Variants in CDH23 observed in about 807,000 individuals in gnomAD.
CDH23 encodes the protein cadherin-23.
Under a neutral mutation model 317.1 loss-of-function variants are expected in CDH23, and 189 were observed. That is an observed-to-expected ratio of 0.60 (90% CI 0.53 to 0.67). The LOEUF is 0.67. Ranked by LOEUF, CDH23 falls within the 30% of genes least tolerant of loss-of-function variation. The pLI is 0.00. For missense variants in CDH23, 4,401 were observed against 4,592.4 expected (o/e 0.96, Z 1.20); for synonymous variants, 1,839 against 1,876.8 (o/e 0.98, Z 0.52).
chr10:71,559,691 T>C (rs1295162934), intron 6 of CDH23, among the ~76,000 whole-genome samples: 1 of 152,114 alleles, frequency 6.6e-6, no homozygotes, highest in East Asian at 1.9e-4. Flanking sequence ...CCCAGAGAGA[T>C]GTCCTCGAGC....
At chr10:71,456,035 C>A (rs1158937059) in intron 3 of CDH23, among the ~76,000 whole-genome samples, 1 of 151,964 alleles carries the variant, frequency 6.6e-6, no homozygotes, top group Admixed American at 6.6e-5. Context: ...GGGGCGTCCT[C>A]CTGGGTTGGT....
chr10:71,691,674 C>A (rs1021959063), intron 20 of CDH23, among the ~76,000 whole-genome samples: 1 of 152,158 alleles, frequency 6.6e-6, no homozygotes, highest in African/African-American at 2.4e-5. Context: ...TGTCAGAGCA[C>A]TAGGAGGAGG....
At chr10:71,546,600 G>A (rs1400234506) in intron 6 of CDH23, among the ~76,000 whole-genome samples, 1 of 152,194 alleles carries the variant, frequency 6.6e-6, no homozygotes, top group Non-Finnish European at 1.5e-5. Context: ...CGTGTCCACT[G>A]CACCTAGAAC....
Position 71,677,715 on chromosome 10 carries a change from C to T in CDH23, c.1752+22C>T, listed in dbSNP as rs1246970644. The T allele has an allele frequency of 2.6e-6, 4 of 1,519,584 alleles. No individual in the cohort carries two copies. In the East Asian group the frequency reaches 9.8e-5, roughly 37 times the overall value. 94.1% of individuals were successfully genotyped at this position (1,519,584 alleles called of 1,614,324 possible). A position where few individuals can be genotyped will look rare whatever the true frequency, so the allele number is the denominator to read the frequency against. ...CCGGGTAAGGTGCCAGGGAGCCCTGCACTCCTGCCATTTATCTTAGCCTTC... is the reference window on the plus strand; with the variant it reads ...CCGGGTAAGGTGCCAGGGAGCCCTGTACTCCTGCCATTTATCTTAGCCTTC... On this transcript the variant is annotated intron_variant, in intron 16 of 69. Coordinates refer to ENST00000224721, the MANE Select transcript of CDH23 (RefSeq NM_022124.6).
intron 2 of CDH23, among the ~76,000 whole-genome samples, chr10:71,444,581 AGT>A (rs1368703632): frequency 6.6e-6 from 1 of 152,228 alleles, no homozygotes; most frequent in Admixed American, 6.5e-5. Flanking sequence ...CTGGCCAGTA[AGT>A]GAGAGAGGGC....
intron 22 of CDH23, among the ~76,000 whole-genome samples, chr10:71,695,840 G>C (rs1274063233): frequency 6.6e-6 from 1 of 152,168 alleles, no homozygotes; most frequent in Admixed American, 6.5e-5. Flanking sequence ...TTAGAGCCCA[G>C]GACTCTGGCC....
intron 52 of CDH23, among the ~76,000 whole-genome samples, 170 bp from the exon 53 acceptor site, chr10:71,800,466 A>G (rs975491103): frequency 2.6e-5 from 4 of 152,178 alleles, no homozygotes; most frequent in Non-Finnish European, 4.4e-5. Context: ...AGGTTGGGGT[A>G]GTGAGAGCAA....
intron 3 of CDH23, among the ~76,000 whole-genome samples, chr10:71,507,063 G>A (rs1365859372): frequency 6.6e-6 from 1 of 152,140 alleles, no homozygotes; most frequent in Non-Finnish European, 1.5e-5. Flanking sequence ...GGAAGGCCAG[G>A]GTGGTCTTCC....
intron 10 of CDH23, 82 bp from the exon 11 acceptor site, chr10:71,617,123 G>T: frequency 6.6e-7 from 1 of 1,508,336 alleles, no homozygotes; most frequent in Non-Finnish European, 8.9e-7. Context: ...ACAGTGGCTG[G>T]TGCTGAGAAA....
chr10:71,669,737 C>T (rs148708535), intron 14 of CDH23, among the ~76,000 whole-genome samples: 3,122 of 152,216 alleles, frequency 0.021, 179 homozygotes, highest in East Asian at 0.16. Context: ...CGTGAGCCAC[C>T]GTGCCTGGCC....
At chr10:71,785,217 C>A in intron 43 of CDH23, 117 bp downstream of exon 43, 1 of 786,444 alleles carries the variant, frequency 1.3e-6, no homozygotes, top group Non-Finnish European at 2.0e-6. Context: ...CGTTCCTGCA[C>A]TGGGATGAGG....
Position 71,815,947 on chromosome 10 carries a change from A to G in CDH23, c.*669A>G, listed in dbSNP as rs1297215384. ...TTTTTTAAATTAAGTTATTCCCTCA[A>G]TAGTTTCCCCTTGGTTTTGTTTAAC... is the stretch of plus-strand genomic sequence containing the variant. On this transcript the variant is annotated 3_prime_UTR_variant, in exon 70 of 70. Transcript: ENST00000224721. The G allele has an allele frequency of 6.1e-6, 1 of 163,240 alleles. No homozygotes were observed. The highest frequency in any genetic ancestry group is 1.4e-5 in the Non-Finnish European group (1 of 73,618). The allele number at this position is 163,240 out of a possible 1,614,324, so 10.1% of individuals were successfully genotyped here. A position where few individuals can be genotyped will look rare whatever the true frequency, so the allele number is the denominator to read the frequency against.
At chr10:71,471,690 C>T (rs1044447687) in intron 3 of CDH23, among the ~76,000 whole-genome samples, 3 of 151,806 alleles carry the variant, frequency 2.0e-5, no homozygotes, top group African/African-American at 7.3e-5. Context: ...CTAACCATCC[C>T]ACGCCGTGTT....
intron 1 of CDH23, among the ~76,000 whole-genome samples, chr10:71,434,068 C>G (rs1168326174): frequency 6.6e-6 from 1 of 152,164 alleles, no homozygotes; most frequent in Non-Finnish European, 1.5e-5. Flanking sequence ...CCCCTTCCAG[C>G]CACGCTGGCC....
intron 9 of CDH23, 49 bp from the exon 10 acceptor site, chr10:71,615,455 C>T: frequency 8.2e-7 from 1 of 1,217,984 alleles, no homozygotes; most frequent in Non-Finnish European, 1.2e-6. Flanking sequence ...CAGCTCCATG[C>T]CCCCCTGCCC....
intron 69 of CDH23, among the ~76,000 whole-genome samples, chr10:71,813,797 A>G (rs1393769171): frequency 6.6e-6 from 1 of 152,040 alleles, no homozygotes; most frequent in Non-Finnish European, 1.5e-5. Context: ...AATCCCAGCT[A>G]CTCAGGGGGC....
intron 28 of CDH23, among the ~76,000 whole-genome samples, chr10:71,720,092 G>A (rs1484159244): frequency 1.3e-5 from 2 of 152,188 alleles, no homozygotes; most frequent in African/African-American, 2.4e-5. Flanking sequence ...CCAGAGGTTC[G>A]CTATTCAGTG....
chr10:71,796,799 TGA>T, intron 48 of CDH23: 1 of 291,582 alleles, frequency 3.4e-6, no homozygotes, highest in East Asian at 7.4e-5. Flanking sequence ...AGTAGGGTAT[TGA>T]GAAAAGGATG....
intron 14 of CDH23, among the ~76,000 whole-genome samples, chr10:71,670,211 A>G (rs538264708): frequency 6.6e-6 from 1 of 152,308 alleles, no homozygotes; most frequent in East Asian, 1.9e-4. Context: ...CATGCAATCC[A>G]GCAACCCCTC....
Sources: allele counts gnomAD v4.1 joint callset (sites outside exome capture counted in the v4.1 genomes callset), GRCh38; gene constraint gnomAD v4.1.1; transcripts MANE v1.5; gene names NCBI Gene and HGNC (gene_info 2026-07-23, HGNC 2026-07-21).